SNRPA: variants seen among roughly 807,000 people sequenced by gnomAD.
The protein encoded by SNRPA is small nuclear ribonucleoprotein polypeptide A.
A neutral mutation model predicts 24.5 loss-of-function variants in SNRPA; 10 were observed. The ratio of observed to expected loss-of-function variants is 0.41; its 90% CI spans 0.25 to 0.69. The LOEUF is 0.69. SNRPA is among the 30% of genes least tolerant of loss of function. SNRPA has a pLI of 0.33. For synonymous variants in SNRPA, 165 were observed against 148.4 expected, an observed-to-expected ratio of 1.11 and a Z score of -0.81; for missense variants, 283 against 394.7, an observed-to-expected ratio of 0.72 and a Z score of 2.40.
At chr19:40,752,948 C>G (rs2082889450) in intron 1 of SNRPA, among the ~76,000 whole-genome samples, 1 of 152,046 alleles carries the variant, frequency 6.6e-6, no homozygotes, top group Non-Finnish European at 1.5e-5. Context: ...TAACTGGCAG[C>G]TAGTAAAGGG....
chr19:40,761,007 G>A (rs1228558575), intron 3 of SNRPA, among the ~76,000 whole-genome samples: 3 of 151,658 alleles, frequency 2.0e-5, no homozygotes, highest in African/African-American at 7.3e-5. Flanking sequence ...GTCTCCCCAG[G>A]CTGGAATGCA....
chr19:40,755,132 A>C (rs989166439), intron 1 of SNRPA, among the ~76,000 whole-genome samples: 7 of 151,522 alleles, frequency 4.6e-5, no homozygotes, highest in African/African-American at 1.7e-4. Flanking sequence ...GCTGGAGTGC[A>C]GTGGCGCAAT....
chr19:40,751,690 C>T, intron 1 of SNRPA: 4 of 555,920 alleles, frequency 7.2e-6, no homozygotes, highest in Admixed American at 5.8e-5. Flanking sequence ...GCTCATCTTA[C>T]AAGGTTTGAG....
At position 40,763,722 on chromosome 19, in the gene SNRPA, G is replaced by A. The variant is rs750588693; in HGVS notation, c.689+47G>A. On this transcript the variant is annotated intron_variant, in intron 5 of 5. Coordinates refer to ENST00000243563, the MANE Select transcript of SNRPA (RefSeq NM_004596.5). ...GTGGTCCCTGGAGGGTGATGGCCAG[G>A]AGGCATCTCCATGGAAACAGGCCTC... 63 of 1,468,340 alleles carry A rather than the reference G, an allele frequency of 4.3e-5. 2 individuals are homozygous for A. The South Asian group carries it at 7.2e-4, about 17-fold the overall frequency. 91.0% of individuals were successfully genotyped at this position (1,468,340 alleles called of 1,614,324 possible). A position where few individuals can be genotyped will look rare whatever the true frequency, so the allele number is the denominator to read the frequency against.
At position 40,757,322 on chromosome 19, in the gene SNRPA, C is replaced by G. The variant is rs199963192; in HGVS notation, c.74-10C>G. On this transcript the variant is annotated splice_polypyrimidine_tract_variant and intron_variant, in intron 1 of 5. Transcript: ENST00000243563. ...GGGGAGCTCAAAGGTCTTTTTTTCCCCCACTGCAGAGCTAAAAAAGTCCCT... is the reference window on the plus strand; with the variant it reads ...GGGGAGCTCAAAGGTCTTTTTTTCCGCCACTGCAGAGCTAAAAAAGTCCCT... 5.6e-6 allele frequency: 9 copies of G among 1,612,780 alleles called. No individual in the cohort carries two copies. The highest frequency in any genetic ancestry group is 1.7e-5 in the Admixed American group (1 of 59,694).
intron 5 of SNRPA, among the ~76,000 whole-genome samples, chr19:40,763,904 T>C (rs956554169): frequency 1.3e-5 from 2 of 152,198 alleles, no homozygotes; most frequent in Non-Finnish European, 2.9e-5. Context: ...GCCGGCTTTT[T>C]TCAGCCTTGT....
chr19:40,756,928 A>G (rs2082910955), intron 1 of SNRPA: 1 of 216,064 alleles, frequency 4.6e-6, no homozygotes, highest in African/African-American at 2.4e-5. Context: ...CCTGGGGGCC[A>G]GTGTGGTTGG....
intron 1 of SNRPA, among the ~76,000 whole-genome samples, chr19:40,752,109 G>A (rs907909879): frequency 4.6e-5 from 7 of 151,818 alleles, no homozygotes; most frequent in African/African-American, 1.7e-4. Flanking sequence ...AGGCCGAGGC[G>A]GGCGGATCAC....
chr19:40,761,260 G>A (rs1047282591), intron 3 of SNRPA, among the ~76,000 whole-genome samples: 21 of 151,866 alleles, frequency 1.4e-4, no homozygotes, highest in African/African-American at 4.4e-4. Context: ...ATGTGTGATC[G>A]AGGTACCACT....
Position 40,765,076 on chromosome 19 carries a change from A to G in SNRPA, c.758A>G (p.Asn253Ser), listed in dbSNP as rs899232722. 8 of 1,594,292 alleles carry G rather than the reference A, an allele frequency of 5.0e-6. No individual in the cohort carries two copies. The Admixed American group carries it at 5.3e-5, about 11-fold the overall frequency. The change falls in exon 6 of 6, where the codon AAT (asparagine) becomes AGT (serine). Residue 253 changes from asparagine (N) to serine (S), a missense_variant. Transcript: ENST00000243563. ...RHDIAFVEFDNEVQAGAARDA... is the reference protein window; with the variant it reads ...RHDIAFVEFDSEVQAGAARDA... Reference sequence around the variant, plus strand: ...GACATCGCCTTCGTGGAGTTTGACAATGAGGTACAGGCAGGGGCAGCTCGC... The same window carrying G: ...GACATCGCCTTCGTGGAGTTTGACAGTGAGGTACAGGCAGGGGCAGCTCGC...
rs185342823 is a variant in SNRPA at position 40,751,956 on chromosome 19, G to A, written c.73+475G>A. 2.0e-5 allele frequency among the ~76,000 whole-genome samples: 3 copies of A among 152,302 alleles called. No homozygotes were observed. The East Asian group carries it at 5.8e-4, about 29-fold the overall frequency. ...AACGCTCTGTATCATGGGCTGGTCT[G>A]TGTGCTTTCATATAAATCTTGATAA... On this transcript the variant is annotated intron_variant, in intron 1 of 5. Coordinates refer to ENST00000243563, the MANE Select transcript of SNRPA (RefSeq NM_004596.5).
chr19:40,761,472 T>TTTTTTC (rs2082932465), intron 3 of SNRPA, among the ~76,000 whole-genome samples: 1 of 129,444 alleles, frequency 7.7e-6, no homozygotes, highest in Non-Finnish European at 1.7e-5. Flanking sequence ...TTTTTTTTTT[T>TTTTTTC]TTTTTTTTTT....
At chr19:40,751,732 C>T (rs1191566689) in intron 1 of SNRPA, among the ~76,000 whole-genome samples, 3 of 152,176 alleles carry the variant, frequency 2.0e-5, no homozygotes, top group Non-Finnish European at 4.4e-5. Flanking sequence ...GAAGCCTTGC[C>T]TTGTCCCTTC....
At chr19:40,762,856 T>G (rs2082938473) in intron 3 of SNRPA, 45 bp from the exon 4 acceptor site, 2 of 1,597,532 alleles carry the variant, frequency 1.3e-6, no homozygotes, top group Admixed American at 1.7e-5. Context: ...CTTCTCTGCC[T>G]CCTGGGGCTG....
rs183282962 is a variant in SNRPA, at chr19:40,759,424, T to G, written c.247-7T>G. On this transcript the variant is annotated splice_region_variant and splice_polypyrimidine_tract_variant and intron_variant, in intron 2 of 5. Coordinates refer to ENST00000243563, the MANE Select transcript of SNRPA (RefSeq NM_004596.5). The stretch of plus-strand genomic sequence containing the variant: ...GCTCTTAACCCGTTCTGCTCTCTGT[T>G]TGGTAGCGTATCCAGTATGCCAAGA... The G allele has an allele frequency of 6.2e-7, 1 of 1,609,336 alleles. No homozygotes were observed.
At chr19:40,756,449 A>AGC (rs1243743612) in intron 1 of SNRPA, among the ~76,000 whole-genome samples, 1 of 152,006 alleles carries the variant, frequency 6.6e-6, no homozygotes, top group Non-Finnish European at 1.5e-5. Context: ...TCCAGAAATT[A>AGC]GCTGGGCATG....
intron 2 of SNRPA, among the ~76,000 whole-genome samples, chr19:40,759,159 C>G (rs1406820585): frequency 2.0e-5 from 3 of 149,122 alleles, no homozygotes; most frequent in Non-Finnish European, 3.0e-5. Flanking sequence ...CAGCTGAGAT[C>G]TCATCACTGC....
Position 40,763,627 on chromosome 19 carries a change from A to G in SNRPA, c.641A>G (p.Asn214Ser), listed in dbSNP as rs866431453. The change falls in exon 5 of 6, where the codon AAC becomes AGC. Residue 214 changes from asparagine to serine, a missense_variant. Physicochemically the swap from Asn to Ser is conservative, Grantham distance 46. Coordinates refer to ENST00000243563, the MANE Select transcript of SNRPA (RefSeq NM_004596.5). ...NPPNHILFLT[N>S]LPEETNELML... is the part of the protein sequence containing the mutation. ...CCGAATCACATCTTGTTCCTCACCA[A>G]CCTGCCAGAGGAGACCAACGAGCTC... 42 of 1,614,068 alleles carry G rather than the reference A, an allele frequency of 2.6e-5. No homozygotes were observed. Among genetic ancestry groups the G allele is most frequent in the Non-Finnish European group, 3.5e-5 (41 of 1,179,992 alleles).
intron 4 of SNRPA, 51 bp downstream of exon 4, chr19:40,763,125 G>C (rs764398008): frequency 1.4e-6 from 2 of 1,392,274 alleles, no homozygotes; most frequent in East Asian, 2.4e-5. Flanking sequence ...TGAGAATACA[G>C]GACTAGAAAG....
Sources: allele counts gnomAD v4.1 joint callset (sites outside exome capture counted in the v4.1 genomes callset), GRCh38; gene constraint gnomAD v4.1.1; transcripts MANE v1.5; gene names NCBI Gene and HGNC (gene_info 2026-07-23, HGNC 2026-07-21).